Variants in KLK10 observed in about 807,000 individuals in gnomAD.
The protein encoded by KLK10 is kallikrein related peptidase 10, also known as kallikrein-10.
In KLK10, 27 loss-of-function variants were observed where a neutral mutation model predicts 25.7. That is an observed-to-expected ratio of 1.05 (90% CI 0.77 to 1.45). KLK10 has a LOEUF of 1.45. Among genes scored for constraint, KLK10 ranks in the 40% most tolerant of loss-of-function variants. The pLI is 0.00. For synonymous variants in KLK10, 173 were observed against 160.1 expected (o/e 1.08, Z -0.61); for missense variants, 386 against 370.0 (o/e 1.04, Z -0.35).
rs957610525 is a variant in KLK10, at chr19:51,017,267, G to C, written c.112C>G (p.Gln38Glu). Residue 38 changes from glutamine (Q) to glutamate (E), a missense_variant, in exon 3 of 6, where the codon CAA becomes GAA. Physicochemically the swap from Gln to Glu is conservative, Grantham distance 29 (BLOSUM62 2). Transcript: ENST00000358789. The part of the protein sequence containing the change: ...LWAAEAALLP[Q>E]NDTRLDPEAY... The stretch of plus-strand genomic sequence containing the variant: ...TCGGGGTCCAAGCGCGTGTCGTTTT[G>C]GGGGAGCAGCGCCGCCTCTGCGGCT... 3.7e-6 allele frequency: 6 copies of C among 1,608,312 alleles called. No homozygotes were observed. Among genetic ancestry groups the C allele is most frequent in the Non-Finnish European group, 5.1e-6 (6 of 1,177,626 alleles).
rs2091284543 is a variant in KLK10 at position 51,013,051 on chromosome 19, C to G, written c.*1749G>C. ...GGGTGAGTTGCCTTTAATAATGAAT[C>G]GAGTTTTCAAGTTTCCACCGACCTC... On this transcript the variant is annotated 3_prime_UTR_variant, in exon 6 of 6. Coordinates refer to ENST00000358789, the MANE Select transcript of KLK10 (RefSeq NM_145888.3). 6.6e-6 allele frequency: 1 copy of G among 152,090 alleles called. No individual in the cohort carries two copies. Among genetic ancestry groups the G allele is most frequent in the Non-Finnish European group, 1.5e-5 (1 of 68,014 alleles). 9.4% of individuals were successfully genotyped at this position (152,090 alleles called of 1,614,324 possible).
rs916450411 is a variant in KLK10, at chr19:51,015,529, G to C, written c.566C>G (p.Thr189Ser). 5.0e-6 allele frequency: 8 copies of C among 1,613,932 alleles called. No homozygotes were observed. The highest frequency in any genetic ancestry group is 5.9e-6 in the Non-Finnish European group (7 of 1,179,874). ...GCTCAGGATAGTGATGCTGGAGCAG[G>C]TCAGGCCCTTGTTGTACTTCACTGA... is the stretch of plus-strand genomic sequence containing the variant. ...ARRVKYNKGLTCSSITILSPK... is the reference protein window; with the variant it reads ...ARRVKYNKGLSCSSITILSPK... The change falls in exon 5 of 6, where the codon ACC becomes AGC. Residue 189 changes from threonine to serine, a missense_variant. Coordinates refer to ENST00000358789, the MANE Select transcript of KLK10 (RefSeq NM_145888.3).
At chr19:51,017,058 A>G in intron 3 of KLK10, 52 bp downstream of exon 3, 2 of 1,480,346 alleles carry the variant, frequency 1.4e-6, no homozygotes, top group Non-Finnish European at 1.8e-6. Flanking sequence ...TCCTCCCTGG[A>G]GGCCGCCTCC....
At chr19:51,018,164 C>CAAAAAAAAAAAAAAAAAAAAAAAAA (rs35154267) in intron 2 of KLK10, among the ~76,000 whole-genome samples, 25 of 36,438 alleles carry the variant, frequency 6.9e-4, no homozygotes, top group Non-Finnish European at 8.4e-4. Flanking sequence ...TGCCCTGTCT[C>CAAAAAAAAAAAAAAAAAAAAAAAAA]AAAAAAAAAA....
In KLK10 at chr19:51,019,045, C is replaced by G. The variant is rs768687165; in HGVS notation, c.86G>C (p.Trp29Ser). Residue 29 changes from tryptophan (W) to serine (S), a missense_variant and splice_region_variant, in exon 2 of 6, where the codon TGG becomes TCG. Coordinates refer to ENST00000358789, the MANE Select transcript of KLK10 (RefSeq NM_145888.3). The surrounding 1 kb of genome is among the most constrained non-coding windows in gnomAD (Gnocchi z 4.2). ...KLLPLLMAQL[W>S]AAEAALLPQN... ...CCGCCCCCTGCCCCCGACCTTACCC[C>G]AGAGTTGCGCCATCAGCAGCGGCAG... The G allele has an allele frequency of 6.2e-7, 1 of 1,602,070 alleles. No homozygotes were observed. Among genetic ancestry groups the G allele is most frequent in the Non-Finnish European group, 8.5e-7 (1 of 1,178,516 alleles).
At chr19:51,016,952 C>T (rs573083878) in intron 3 of KLK10, among the ~76,000 whole-genome samples, 158 bp downstream of exon 3, 9 of 152,312 alleles carry the variant, frequency 5.9e-5, no homozygotes, top group African/African-American at 2.2e-4. Context: ...CGCCCCCTGG[C>T]GGCCACAGCG....
At chr19:51,015,197 G>T (rs1329430652) in intron 5 of KLK10, among the ~76,000 whole-genome samples, 9 of 151,902 alleles carry the variant, frequency 5.9e-5, no homozygotes, top group African/African-American at 1.9e-4. Flanking sequence ...TTCATGGAAG[G>T]TGAGGGGATG....
At chr19:51,017,745 A>G (rs2091349044) in intron 2 of KLK10, among the ~76,000 whole-genome samples, 1 of 151,964 alleles carries the variant, frequency 6.6e-6, no homozygotes, top group East Asian at 1.9e-4. Flanking sequence ...GCACTTTGGG[A>G]AGCCGAGGCG....
Position 51,019,033 on chromosome 19 carries a change from C to T in KLK10, c.88+10G>A, listed in dbSNP as rs750685141. On this transcript the variant is annotated intron_variant, in intron 2 of 5. Coordinates refer to ENST00000358789, the MANE Select transcript of KLK10 (RefSeq NM_145888.3). The surrounding 1 kb of genome is among the most constrained non-coding windows in gnomAD (Gnocchi z 4.2). ...CGGCGCCTCTCCCCGCCCCCTGCCC[C>T]CGACCTTACCCCAGAGTTGCGCCAT... The T allele has an allele frequency of 3.1e-6, 5 of 1,589,824 alleles. No homozygotes were observed. Among genetic ancestry groups the T allele is most frequent in the South Asian group, 2.2e-5 (2 of 89,700 alleles).
Position 51,019,427 on chromosome 19 carries a change from T to C in KLK10, c.-10+200A>G, listed in dbSNP as rs1354166712. 1.3e-5 allele frequency among the ~76,000 whole-genome samples: 2 copies of C among 152,084 alleles called. No individual in the cohort carries two copies. The highest frequency in any genetic ancestry group is 4.8e-5 in the African/African-American group (2 of 41,408). On this transcript the variant is annotated intron_variant, in intron 1 of 5. Transcript: ENST00000358789. This position sits in a 1 kb window ranked among gnomAD's most constrained non-coding sequence, Gnocchi z 4.2. Reference sequence around the variant, plus strand: ...CTGCAGCCACGCCGCGCCCGAGGTTTCCCCCTCCTTCACGCGCGGGGTGGG... The same window carrying C: ...CTGCAGCCACGCCGCGCCCGAGGTTCCCCCCTCCTTCACGCGCGGGGTGGG...
In KLK10 at chr19:51,019,434, CCTT is replaced by C. The variant is rs1436112381; in HGVS notation, c.-10+190_-10+192del. Among the ~76,000 whole-genome samples the C allele has an allele frequency of 6.6e-6, 1 of 152,254 alleles. No individual in the cohort carries two copies. Among genetic ancestry groups the C allele is most frequent in the Non-Finnish European group, 1.5e-5 (1 of 68,042 alleles). On this transcript the variant is annotated intron_variant, in intron 1 of 5. Transcript: ENST00000358789. This position sits in a 1 kb window ranked among gnomAD's most constrained non-coding sequence, Gnocchi z 4.2. ...CACGCCGCGCCCGAGGTTTCCCCCT[CCTT>C]CACGCGCGGGGTGGGGATCCGAGGC... is the stretch of plus-strand genomic sequence containing the variant.
At chr19:51,018,874 C>G (rs965354535) in intron 2 of KLK10, 169 bp downstream of exon 2, 1 of 614,064 alleles carries the variant, frequency 1.6e-6, no homozygotes, top group Non-Finnish European at 2.9e-6. Flanking sequence ...AGGGGCCGAG[C>G]CAGAAGAAGG....
In KLK10 at chr19:51,013,856, C is replaced by G. The variant is rs963267930; in HGVS notation, c.*944G>C. 6.5e-6 allele frequency: 1 copy of G among 153,706 alleles called. No homozygotes were observed. Among genetic ancestry groups the G allele is most frequent in the Non-Finnish European group, 1.5e-5 (1 of 68,052 alleles). The allele number at this position is 153,706 out of a possible 1,614,324, so 9.5% of individuals were successfully genotyped here. On this transcript the variant is annotated 3_prime_UTR_variant, in exon 6 of 6. Transcript: ENST00000358789. Reference sequence around the variant, plus strand: ...CGAAAATCTCACAGCCAATTAATAACAGACAAACCAAAGATTTTCCCCTAA... The same window carrying G: ...CGAAAATCTCACAGCCAATTAATAAGAGACAAACCAAAGATTTTCCCCTAA...
intron 3 of KLK10, 98 bp from the exon 4 acceptor site, chr19:51,016,254 G>A (rs2091327520): frequency 7.4e-7 from 1 of 1,348,156 alleles, no homozygotes; most frequent in Non-Finnish European, 9.8e-7. Context: ...AGAGTCTGAG[G>A]GAAGAGGGCC....
rs774397274 is a variant in KLK10, at chr19:51,019,121, G to A, written c.10C>T (p.Pro4Ser). 2.5e-6 allele frequency: 4 copies of A among 1,609,182 alleles called. No homozygotes were observed. The highest frequency in any genetic ancestry group is 3.4e-6 in the Non-Finnish European group (4 of 1,179,190). ...GAGGCGGCGGAGAGGTGGAGGTGCG[G>A]AGCTCTCATGGCCAGGATCTGCTGG... MRAPHLHLSAASGA... is the reference protein window; with the variant it reads MRASHLHLSAASGA... Residue 4 changes from proline to serine, a missense_variant, in exon 2 of 6, where the codon CCG (proline) becomes TCG (serine). Physicochemically the swap from Pro to Ser is moderately conservative, Grantham distance 74. Transcript: ENST00000358789. This position sits in a 1 kb window ranked among gnomAD's most constrained non-coding sequence, Gnocchi z 4.2.
At chr19:51,018,023 A>AAAAAAAAC (rs2091354008) in intron 2 of KLK10, among the ~76,000 whole-genome samples, 2 of 139,812 alleles carry the variant, frequency 1.4e-5, no homozygotes, top group African/African-American at 2.8e-5. Flanking sequence ...AAAAAAAAAA[A>AAAAAAAAC]AAGCCGGATG....
At position 51,016,003 on chromosome 19, in the gene KLK10, C is replaced by T. The variant is rs2075689; in HGVS notation, c.423G>A (p.Leu141=). The T allele has an allele frequency of 0.55, 866,914 of 1,567,774 alleles. 242,802 individuals are homozygous for T. Among genetic ancestry groups the T allele is most frequent in the African/African-American group, 0.73 (53,757 of 74,072 alleles). ...CCAGCACTACGGGCCTGGCCAGCTT[C>T]AGCAACATGAGATCGTGCTCATCCG... The part of the protein sequence containing the change: ...RRTDEHDLML[L]KLARPVVLGP... The change falls in exon 4 of 6, where the codon CTG becomes CTA. Residue 141 remains leucine (L), a synonymous_variant. Coordinates refer to ENST00000358789, the MANE Select transcript of KLK10 (RefSeq NM_145888.3).
At chr19:51,015,270 TG>T (rs2091309307) in intron 5 of KLK10, 146 bp downstream of exon 5, 1 of 845,162 alleles carries the variant, frequency 1.2e-6, no homozygotes, top group Admixed American at 2.2e-5. Context: ...AGGATAGGGA[TG>T]AGGAGGGGGT....
chr19:51,018,836 G>C, intron 2 of KLK10: 1 of 589,362 alleles, frequency 1.7e-6, no homozygotes, highest in Admixed American at 3.0e-5. Context: ...GCAGAAATCG[G>C]ACAGGGCCTG....
Sources: gnomAD v4.1 joint callset for allele counts (sites outside exome capture counted in the v4.1 genomes callset) on GRCh38, gnomAD v4.1.1 for gene constraint, Gnocchi (gnomAD v3.1) non-coding constraint, MANE v1.5 for transcripts, NCBI Gene and HGNC (gene_info 2026-07-23, HGNC 2026-07-21) for gene names.